Variants in MDGA2 observed in about 807,000 individuals in gnomAD.
MDGA2 encodes MAM domain containing glycosylphosphatidylinositol anchor 2.
A neutral mutation model predicts 117.8 loss-of-function variants in MDGA2; 40 were observed. That is an observed-to-expected ratio of 0.34 (90% CI 0.26 to 0.44). The LOEUF (loss-of-function observed/expected upper bound fraction) is 0.44, where lower values mean the gene tolerates loss of function less well. Among genes scored for constraint, MDGA2 ranks in the 20% least tolerant of loss-of-function variants. The probability of loss-of-function intolerance (pLI) is 1.00; values close to 1 mark genes in which losing one functional copy is unlikely to be tolerated. For missense variants in MDGA2, 1,123 were observed against 1,250.6 expected (o/e 0.90, Z 1.54); for synonymous variants, 452 against 439.0 (o/e 1.03, Z -0.37).
chr14:46,924,179 A>T (rs1290761247), intron 9 of MDGA2, among the ~76,000 whole-genome samples: 1 of 151,970 alleles, frequency 6.6e-6, no homozygotes, highest in Non-Finnish European at 1.5e-5. Flanking sequence ...ATATCCCTAA[A>T]ATATCTATAT....
chr14:46,982,731 A>T (rs1399116650), intron 8 of MDGA2, among the ~76,000 whole-genome samples: 12 of 148,970 alleles, frequency 8.1e-5, no homozygotes, highest in Non-Finnish European at 1.4e-4. Context: ...AAAAAAAAAA[A>T]AAAAATCATG....
chr14:47,102,104 G>C (rs1473032677), intron 5 of MDGA2, among the ~76,000 whole-genome samples: 1 of 152,030 alleles, frequency 6.6e-6, no homozygotes, highest in Non-Finnish European at 1.5e-5. Context: ...TCTGAAAGCA[G>C]GATACAGTGT....
intron 1 of MDGA2, among the ~76,000 whole-genome samples, chr14:47,482,167 A>C (rs180878500): frequency 2.0e-5 from 3 of 152,174 alleles, no homozygotes; most frequent in Admixed American, 2.0e-4. Context: ...AAAGAAAACA[A>C]ATAAGGAGGC....
At chr14:47,025,974 C>A (rs956186497) in intron 8 of MDGA2, among the ~76,000 whole-genome samples, 2 of 151,982 alleles carry the variant, frequency 1.3e-5, no homozygotes, top group African/African-American at 4.8e-5. Flanking sequence ...CTAGTAGTCC[C>A]GCAAGTTTAA....
At chr14:47,001,287 A>G (rs537432866) in intron 8 of MDGA2, among the ~76,000 whole-genome samples, 1 of 152,212 alleles carries the variant, frequency 6.6e-6, no homozygotes, top group African/African-American at 2.4e-5. Flanking sequence ...ATGGAAGAAA[A>G]TTTTACATAA....
At position 47,216,181 on chromosome 14, in the gene MDGA2, G is replaced by T. The variant is rs76587619; in HGVS notation, c.595+1840C>A. ...AAGGCTTTCTAGTAAAAGGAAAAGA[G>T]AAAAATATTTTTTAAGTCTCTAAAA... On this transcript the variant is annotated intron_variant, in intron 3 of 16. Transcript: ENST00000399232. Among the ~76,000 whole-genome samples the T allele has an allele frequency of 3.7e-3, 563 of 152,182 alleles. 8 individuals carry two copies. The highest frequency in any genetic ancestry group is 0.013 in the African/African-American group (538 of 41,544).
At chr14:47,213,354 G>A (rs530391508) in intron 3 of MDGA2, among the ~76,000 whole-genome samples, 1 of 152,126 alleles carries the variant, frequency 6.6e-6, no homozygotes, top group South Asian at 2.1e-4. Context: ...AATAAAAACT[G>A]TTTGGACATT....
At position 47,553,940 on chromosome 14, in the gene MDGA2, G is replaced by A. The variant is rs556368957; in HGVS notation, c.280+120577C>T. On this transcript the variant is annotated intron_variant, in intron 1 of 16. Transcript: ENST00000399232. ...GAAGCATTCTGTTTATTTTTCAGGT[G>A]GGAAAACAGCAGTTCTATGTATTTT... Among the ~76,000 whole-genome samples, 3 of 152,220 alleles carry A rather than the reference G, an allele frequency of 2.0e-5. No individual in the cohort carries two copies. The South Asian group carries it at 6.2e-4, about 32-fold the overall frequency.
At chr14:47,199,331 A>T (rs1055211465) in intron 3 of MDGA2, among the ~76,000 whole-genome samples, 48 of 152,180 alleles carry the variant, frequency 3.2e-4, no homozygotes, top group African/African-American at 1.2e-3. Flanking sequence ...AACAATTTTG[A>T]CTATTTATCC....
chr14:47,200,539 T>A, intron 3 of MDGA2: 1 of 564,344 alleles, frequency 1.8e-6, no homozygotes, highest in Non-Finnish European at 2.7e-6. Context: ...CTTTTCTTTT[T>A]TTTTTTTTTT....
intron 1 of MDGA2, among the ~76,000 whole-genome samples, chr14:47,664,330 G>A (rs1163533547): frequency 6.6e-6 from 1 of 151,824 alleles, no homozygotes; most frequent in African/African-American, 2.4e-5. Context: ...TTCTTATTCT[G>A]GTCTAAAAAC....
chr14:47,659,109 A>C (rs1958630), intron 1 of MDGA2, among the ~76,000 whole-genome samples: 12,285 of 152,186 alleles, frequency 0.081, 1,312 homozygotes, highest in African/African-American at 0.23. Context: ...AATCCTCATG[A>C]CATGAAATCC....
intron 1 of MDGA2, among the ~76,000 whole-genome samples, chr14:47,409,219 T>C (rs1892322511): frequency 6.6e-6 from 1 of 152,174 alleles, no homozygotes; most frequent in African/African-American, 2.4e-5. Flanking sequence ...ACATAGCCCG[T>C]TATGGGAAGA....
intron 5 of MDGA2, among the ~76,000 whole-genome samples, chr14:47,117,138 TG>T (rs2139083524): frequency 6.6e-6 from 1 of 152,156 alleles, no homozygotes; most frequent in African/African-American, 2.4e-5. Context: ...GACACACAAA[TG>T]GATAAGTATA....
intron 8 of MDGA2, among the ~76,000 whole-genome samples, chr14:47,007,404 G>GTATCT (rs1486073388): frequency 6.6e-6 from 1 of 151,712 alleles, no homozygotes; most frequent in African/African-American, 2.4e-5. Context: ...GTTTGCTGTA[G>GTATCT]GGTTTCATGC....
At chr14:46,964,918 A>ATTTTTTTTTTTTTTTTTTTTTT (rs1566549134) in intron 8 of MDGA2, among the ~76,000 whole-genome samples, 1 of 95,420 alleles carries the variant, frequency 1.0e-5, no homozygotes, top group African/African-American at 6.3e-5. Flanking sequence ...ATATATATTT[A>ATTTTTTTTTTTTTTTTTTTTTT]CTTTTTTTTT....
intron 1 of MDGA2, among the ~76,000 whole-genome samples, chr14:47,338,093 T>C (rs959744291): frequency 5.3e-5 from 8 of 152,184 alleles, no homozygotes; most frequent in African/African-American, 1.9e-4. Flanking sequence ...GTATGTTTAC[T>C]TTATTCTTTC....
At chr14:47,442,604 C>T (rs1293661505) in intron 1 of MDGA2, among the ~76,000 whole-genome samples, 2 of 152,062 alleles carry the variant, frequency 1.3e-5, no homozygotes, top group East Asian at 1.9e-4. Flanking sequence ...TCATTTCCTA[C>T]TTGGGCAAAC....
chr14:47,198,025 T>C (rs1336290327), intron 3 of MDGA2, among the ~76,000 whole-genome samples: 2 of 152,038 alleles, frequency 1.3e-5, no homozygotes, highest in Non-Finnish European at 2.9e-5. Flanking sequence ...TATGCACTTT[T>C]GCAGCAATCC....
Sources: gnomAD v4.1 joint callset for allele counts (sites outside exome capture counted in the v4.1 genomes callset) on GRCh38, gnomAD v4.1.1 for gene constraint, MANE v1.5 for transcripts, NCBI Gene and HGNC (gene_info 2026-07-23, HGNC 2026-07-21) for gene names.